The following RTF2 variants were observed in gnomAD, a reference collection of about 807,000 sequenced individuals.
RTF2 encodes the protein UPF0549 protein C20orf43.
A neutral mutation model predicts 38.0 loss-of-function variants in RTF2; 18 were observed. That is an observed-to-expected ratio of 0.47 (90% CI 0.33 to 0.70). The LOEUF (loss-of-function observed/expected upper bound fraction) is 0.70. Among genes scored for constraint, RTF2 ranks in the 30% least tolerant of loss-of-function variants. The pLI is 0.02. For missense variants in RTF2, 311 were observed against 379.6 expected (o/e 0.82, Z 1.50); for synonymous variants, 126 against 137.1 (o/e 0.92, Z 0.57).
intron 4 of RTF2, among the ~76,000 whole-genome samples, chr20:56,481,583 A>G (rs757323292): frequency 2.0e-5 from 3 of 152,166 alleles, no homozygotes; most frequent in Non-Finnish European, 4.4e-5. Flanking sequence ...CCACTTCTGT[A>G]TATGTGTGTG....
intron 8 of RTF2, among the ~76,000 whole-genome samples, chr20:56,517,645 C>G (rs897014589): frequency 1.3e-5 from 2 of 152,170 alleles, no homozygotes; most frequent in Admixed American, 1.3e-4. Context: ...TCTCCTAAAA[C>G]TCACTCTCTG....
Position 56,518,228 on chromosome 20 carries a change from C to T in RTF2, c.884C>T (p.Ser295Phe). ...TCCGCCAAGCGCTCCAAGGAGGAGT[C>T]TGCCCACTGGGTCACCCACACGTCC... ...HSSAKRSKEE[S>F]AHWVTHTSYC... Residue 295 changes from serine to phenylalanine, a missense_variant, in exon 9 of 9, where the codon TCT becomes TTT. Coordinates refer to ENST00000357348, the MANE Select transcript of RTF2 (RefSeq NM_016407.5). 1.9e-6 allele frequency: 3 copies of T among 1,614,040 alleles called. No homozygotes were observed. The highest frequency in any genetic ancestry group is 4.5e-5 in the East Asian group (2 of 44,876).
chr20:56,486,024 C>G (rs1379726349), intron 5 of RTF2, among the ~76,000 whole-genome samples: 1 of 152,156 alleles, frequency 6.6e-6, no homozygotes, highest in Non-Finnish European at 1.5e-5. Flanking sequence ...ATTGGTTGCA[C>G]TCCCGGGGAT....
intron 4 of RTF2, among the ~76,000 whole-genome samples, chr20:56,480,400 G>T (rs1481846041): frequency 6.6e-6 from 1 of 152,206 alleles, no homozygotes; most frequent in Non-Finnish European, 1.5e-5. Context: ...TTGGCTTAAG[G>T]ATCTGTCACT....
At position 56,502,844 on chromosome 20, in the gene RTF2, G is replaced by A. The variant is rs1044661026; in HGVS notation, c.478-10471G>A. 6.6e-5 allele frequency among the ~76,000 whole-genome samples: 10 copies of A among 152,282 alleles called. No homozygotes were observed. In the East Asian group the frequency reaches 1.7e-3, roughly 26 times the overall value. The stretch of plus-strand genomic sequence containing the variant: ...CCTCATATTTAGCTTCAGGAAATGG[G>A]CTTTGAATCAGGGCCCCAGTGTTAG... On this transcript the variant is annotated intron_variant, in intron 5 of 8. Coordinates refer to ENST00000357348, the MANE Select transcript of RTF2 (RefSeq NM_016407.5).
At chr20:56,511,012 T>C (rs1984629256) in intron 5 of RTF2, among the ~76,000 whole-genome samples, 1 of 152,234 alleles carries the variant, frequency 6.6e-6, no homozygotes, top group East Asian at 1.9e-4. Flanking sequence ...TTGAATGTTA[T>C]ATATGCTATG....
At chr20:56,496,669 G>A (rs1433075307) in intron 5 of RTF2, 2 of 1,539,884 alleles carry the variant, frequency 1.3e-6, no homozygotes, top group Non-Finnish European at 1.8e-6. Flanking sequence ...ACCCAGTAGT[G>A]TTGCTCTGGG....
intron 5 of RTF2, among the ~76,000 whole-genome samples, chr20:56,499,647 A>G (rs1189166397): frequency 6.6e-6 from 1 of 152,042 alleles, no homozygotes; most frequent in Non-Finnish European, 1.5e-5. Flanking sequence ...TTAAAGATAA[A>G]CCAGATACCA....
At chr20:56,478,087 G>A (rs1982348508) in intron 4 of RTF2, among the ~76,000 whole-genome samples, 1 of 152,150 alleles carries the variant, frequency 6.6e-6, no homozygotes, top group Admixed American at 6.5e-5. Flanking sequence ...CTTTTGAGAA[G>A]TACAGTCATA....
intron 5 of RTF2, among the ~76,000 whole-genome samples, chr20:56,502,942 C>T (rs986395871): frequency 1.3e-5 from 2 of 152,110 alleles, no homozygotes; most frequent in Non-Finnish European, 2.9e-5. Context: ...TTCTTGACTG[C>T]GGATGTGGTG....
intron 5 of RTF2, among the ~76,000 whole-genome samples, chr20:56,499,337 T>C (rs7267003): frequency 0.024 from 3,594 of 151,474 alleles, 151 homozygotes; most frequent in African/African-American, 0.082. Context: ...CATGCCACCA[T>C]GCCCGGCTAA....
Position 56,484,204 on chromosome 20 carries a change from T to C in RTF2, c.477+15T>C, listed in dbSNP as rs781320852. 5 of 1,595,166 alleles carry C rather than the reference T, an allele frequency of 3.1e-6. No individual in the cohort carries two copies. In the South Asian group the frequency reaches 4.4e-5, roughly 14 times the overall value. On this transcript the variant is annotated intron_variant, in intron 5 of 8. Transcript: ENST00000357348. ...TTTGCCACACGGTGAGTTCCTGACA[T>C]GTACCATTTGTTCCTTCTCTGTAGC...
chr20:56,515,877 C>T (rs1290130994), intron 6 of RTF2: 6 of 152,356 alleles, frequency 3.9e-5, no homozygotes, highest in Non-Finnish European at 8.8e-5. Flanking sequence ...GCTACTGCTA[C>T]CAGGATACCA....
At chr20:56,471,306 C>T (rs544982518) in intron 1 of RTF2, among the ~76,000 whole-genome samples, 17 of 152,278 alleles carry the variant, frequency 1.1e-4, no homozygotes, top group East Asian at 9.6e-4. Flanking sequence ...CGGTGGCTCA[C>T]GCCTGTAATC....
At chr20:56,505,487 C>CATAATGATA (rs1984204705) in intron 5 of RTF2, among the ~76,000 whole-genome samples, 1 of 139,652 alleles carries the variant, frequency 7.2e-6, no homozygotes. Context: ...GATGCCATCT[C>CATAATGATA]ATAATAATAA....
At chr20:56,481,839 A>G (rs1982541774) in intron 4 of RTF2, among the ~76,000 whole-genome samples, 1 of 152,224 alleles carries the variant, frequency 6.6e-6, no homozygotes, top group Admixed American at 6.5e-5. Context: ...TTTCTGTCTC[A>G]ATGGATTTAC....
chr20:56,512,961 C>T (rs1051215268), intron 5 of RTF2, among the ~76,000 whole-genome samples: 2 of 152,178 alleles, frequency 1.3e-5, no homozygotes, highest in Non-Finnish European at 2.9e-5. Context: ...CAGAATTCCA[C>T]ACTCCCATAA....
intron 5 of RTF2, among the ~76,000 whole-genome samples, chr20:56,487,030 C>T (rs1982832923): frequency 6.6e-6 from 1 of 152,152 alleles, no homozygotes; most frequent in South Asian, 2.1e-4. Context: ...TAAGAGTTCT[C>T]AGAATCATTT....
Position 56,480,324 on chromosome 20 carries a change from AG to A in RTF2, c.398+3201del, listed in dbSNP as rs545870703. 2.1e-3 allele frequency among the ~76,000 whole-genome samples: 320 copies of A among 152,306 alleles called. 1 individual carries two copies. The highest frequency in any genetic ancestry group is 7.4e-3 in the African/African-American group (309 of 41,574). Reference sequence around the variant, plus strand: ...TTCCAGTTTCCACCTCTTCCTCTGCAGCTTTCTTGCCTCTGTCAGCCTTCAT... The same window carrying A: ...TTCCAGTTTCCACCTCTTCCTCTGCACTTTCTTGCCTCTGTCAGCCTTCAT... On this transcript the variant is annotated intron_variant, in intron 4 of 8. Coordinates refer to ENST00000357348, the MANE Select transcript of RTF2 (RefSeq NM_016407.5).
Sources: allele counts gnomAD v4.1 joint callset (sites outside exome capture counted in the v4.1 genomes callset), GRCh38; gene constraint gnomAD v4.1.1; transcripts MANE v1.5; gene names NCBI Gene and HGNC (gene_info 2026-07-23, HGNC 2026-07-21).